Variants in PUM1 observed in about 807,000 individuals in gnomAD.
PUM1 encodes the protein pumilio homolog 1.
A neutral mutation model predicts 131.8 loss-of-function variants in PUM1; 13 were observed. The observed-to-expected ratio is 0.10, with a 90% CI of 0.06 to 0.16. PUM1 has a LOEUF of 0.16. Among genes scored for constraint, PUM1 ranks in the 10% least tolerant of loss-of-function variants. The probability of loss-of-function intolerance (pLI) is 1.00; values close to 1 mark genes in which losing one functional copy is unlikely to be tolerated. For missense variants in PUM1, 961 were observed against 1,512.4 expected, an observed-to-expected ratio of 0.64 and a Z score of 6.05; for synonymous variants, 509 against 556.5, an observed-to-expected ratio of 0.91 and a Z score of 1.20.
intron 18 of PUM1, among the ~76,000 whole-genome samples, chr1:30,943,265 T>TC (rs1220817218): frequency 1.4e-5 from 2 of 148,050 alleles, no homozygotes; most frequent in African/African-American, 4.9e-5. Context: ...TACAAAGAAT[T>TC]TTTTTTTTTT....
intron 17 of PUM1, among the ~76,000 whole-genome samples, chr1:30,946,651 A>AT (rs1009908793): frequency 1.3e-5 from 2 of 148,974 alleles, no homozygotes; most frequent in East Asian, 1.9e-4. Flanking sequence ...AAAAAAAAAA[A>AT]ATTATTTTAT....
Position 30,974,660 on chromosome 1 carries a change from T to C in PUM1, c.1497A>G (p.Gly499=), listed in dbSNP as rs1641065409. Residue 499 remains glycine, a synonymous_variant, in exon 10 of 22, where the codon GGA becomes GGG. Coordinates refer to ENST00000426105, the MANE Select transcript of PUM1 (RefSeq NM_001020658.2). The part of the protein sequence containing the change: ...NQQTTPQAQQ[G]QQQVLRGGAS... ...TTTTGTCTACATTTACCTGCTGCTG[T>C]CCTTGCTGAGCCTGTGGGGTGGTCT... The C allele has an allele frequency of 1.9e-6, 3 of 1,606,888 alleles. No homozygotes were observed. Among genetic ancestry groups the C allele is most frequent in the South Asian group, 2.2e-5 (2 of 89,832 alleles).
rs780387676 is a variant in PUM1, at chr1:30,995,163, T to C, written c.778A>G (p.Thr260Ala). The C allele has an allele frequency of 1.9e-6, 3 of 1,614,216 alleles. No individual in the cohort carries two copies. In the South Asian group the frequency reaches 3.3e-5, roughly 18 times the overall value. Residue 260 changes from threonine (T) to alanine (A), a missense_variant, in exon 6 of 22, where the codon ACG becomes GCG. Coordinates refer to ENST00000426105, the MANE Select transcript of PUM1 (RefSeq NM_001020658.2). The part of the protein sequence containing the change: ...NDKGEKKNKG[T>A]FDGDKLGDLK... ...TCTCCTAGCTTATCTCCATCAAACG[T>C]ACCCTTGTTCTTCTTTTCACCTTTG...
chr1:30,937,721 T>C (rs777388359), intron 20 of PUM1, among the ~76,000 whole-genome samples: 8 of 152,140 alleles, frequency 5.3e-5, no homozygotes, highest in Non-Finnish European at 1.0e-4. Flanking sequence ...AATAGATCAA[T>C]AGAAGTAAAC....
chr1:30,932,580 A>T lies in PUM1; in HGVS notation c.*631T>A, dbSNP rs1051831016. The T allele has an allele frequency of 1.3e-5, 2 of 150,672 alleles. No homozygotes were observed. The highest frequency in any genetic ancestry group is 4.9e-5 in the African/African-American group (2 of 41,152). 9.3% of individuals were successfully genotyped at this position (150,672 alleles called of 1,614,324 possible). A position where few individuals can be genotyped will look rare whatever the true frequency, so the allele number is the denominator to read the frequency against. On this transcript the variant is annotated 3_prime_UTR_variant, in exon 22 of 22. Transcript: ENST00000426105. Reference sequence around the variant, plus strand: ...ATAGTCTCCAAAAAAGGCATTTTTTAGAATTTCATAAACTTAATGTCACAA... The same window carrying T: ...ATAGTCTCCAAAAAAGGCATTTTTTTGAATTTCATAAACTTAATGTCACAA...
Position 30,950,458 on chromosome 1 carries a change from C to A in PUM1, c.2722-197G>T, listed in dbSNP as rs79907872. ...TCTCGATCTCTTAATTATGAGTAACCCTTTTTAATGTTAAGAAGTTTCTCG... is the reference window on the plus strand; with the variant it reads ...TCTCGATCTCTTAATTATGAGTAACACTTTTTAATGTTAAGAAGTTTCTCG... On this transcript the variant is annotated intron_variant, in intron 16 of 21. Coordinates refer to ENST00000426105, the MANE Select transcript of PUM1 (RefSeq NM_001020658.2). Among the ~76,000 whole-genome samples, 439 of 152,290 alleles carry A rather than the reference C, an allele frequency of 2.9e-3. 2 individuals are homozygous for A. Among genetic ancestry groups the A allele is most frequent in the Non-Finnish European group, 3.0e-3 (205 of 68,038 alleles).
intron 15 of PUM1, 54 bp downstream of exon 15, chr1:30,953,660 C>T (rs375869530): frequency 2.5e-6 from 4 of 1,596,588 alleles, no homozygotes; most frequent in African/African-American, 1.3e-5. Context: ...TGAGCCAAGA[C>T]AGTTAAGGCA....
intron 17 of PUM1, among the ~76,000 whole-genome samples, chr1:30,948,603 T>C (rs766506108): frequency 6.6e-6 from 1 of 152,028 alleles, no homozygotes; most frequent in African/African-American, 2.4e-5. Context: ...ATACACACAT[T>C]AACCAGGGGA....
At chr1:30,949,006 A>G (rs1261419890) in intron 17 of PUM1, 2 of 440,822 alleles carry the variant, frequency 4.5e-6, no homozygotes, top group Non-Finnish European at 9.2e-6. Flanking sequence ...CATACCTTTG[A>G]AACTTATCAC....
intron 7 of PUM1, among the ~76,000 whole-genome samples, chr1:30,987,235 C>T (rs571447154): frequency 2.0e-5 from 3 of 148,522 alleles, no homozygotes; most frequent in Non-Finnish European, 4.4e-5. Context: ...CTCACTCTGT[C>T]GCCCAGGCTG....
intron 12 of PUM1, chr1:30,966,518 C>T (rs904866033): frequency 6.2e-5 from 29 of 464,668 alleles, no homozygotes; most frequent in Non-Finnish European, 8.3e-5. Flanking sequence ...TAAGAGTATA[C>T]AGATTAAAAG....
At chr1:30,941,046 T>A (rs921316686) in intron 20 of PUM1, 105 bp downstream of exon 20, 1 of 1,342,786 alleles carries the variant, frequency 7.4e-7, no homozygotes, top group Non-Finnish European at 1.0e-6. Flanking sequence ...ATATATACTT[T>A]GAAAACAACA....
chr1:30,974,920 A>T, intron 9 of PUM1, 118 bp from the exon 10 acceptor site: 3 of 721,194 alleles, frequency 4.2e-6, no homozygotes, highest in Non-Finnish European at 6.6e-6. Context: ...AAAAGTATAT[A>T]TTAATTTATG....
At chr1:30,954,232 G>T (rs554249318) in intron 14 of PUM1, among the ~76,000 whole-genome samples, 1 of 152,206 alleles carries the variant, frequency 6.6e-6, no homozygotes, top group Non-Finnish European at 1.5e-5. Context: ...TAAGGCTGGA[G>T]CAACAGTTAG....
chr1:30,965,352 G>C (rs1640576927), intron 13 of PUM1, among the ~76,000 whole-genome samples: 1 of 152,102 alleles, frequency 6.6e-6, no homozygotes, highest in Non-Finnish European at 1.5e-5. Flanking sequence ...GTTCAATCGA[G>C]AGTTAATGCT....
intron 3 of PUM1, among the ~76,000 whole-genome samples, chr1:31,009,595 C>T (rs144206495): frequency 2.8e-4 from 43 of 151,890 alleles, no homozygotes; most frequent in African/African-American, 8.7e-4. Flanking sequence ...GCAAGATCCC[C>T]GTCTCTACTA....
chr1:30,972,258 GAA>G lies in PUM1; in HGVS notation c.1506+2391_1506+2392del, dbSNP rs200410743. Among the ~76,000 whole-genome samples the G allele has an allele frequency of 6.7e-4, 23 of 34,078 alleles. 5 individuals carry two copies. The highest frequency in any genetic ancestry group is 1.2e-3 in the East Asian group (1 of 856). 22.4% of individuals were successfully genotyped at this position (34,078 alleles called of 152,430 possible). On this transcript the variant is annotated intron_variant, in intron 10 of 21. Transcript: ENST00000426105. ...AGACAGAGCAAGATTATGTCAGAAA[GAA>G]AAGAAAAGAAGGGAAGGGAAGGGAA...
At chr1:30,948,480 C>T (rs901244790) in intron 17 of PUM1, among the ~76,000 whole-genome samples, 2 of 152,066 alleles carry the variant, frequency 1.3e-5, no homozygotes, top group African/African-American at 4.8e-5. Flanking sequence ...ACAACGACAG[C>T]TGGGTATGGT....
chr1:30,934,950 G>A (rs1250855858), intron 21 of PUM1, among the ~76,000 whole-genome samples: 1 of 152,114 alleles, frequency 6.6e-6, no homozygotes, highest in Non-Finnish European at 1.5e-5. Flanking sequence ...ATACCACTTA[G>A]TAATGGAAGA....
Sources: gnomAD v4.1 joint callset for allele counts (sites outside exome capture counted in the v4.1 genomes callset) on GRCh38, gnomAD v4.1.1 for gene constraint, MANE v1.5 for transcripts, NCBI Gene and HGNC (gene_info 2026-07-23, HGNC 2026-07-21) for gene names.